WWOX: variants seen among roughly 807,000 people sequenced by gnomAD.
WWOX encodes WW domain containing oxidoreductase.
Under a neutral mutation model 46.2 loss-of-function variants are expected in WWOX, and 69 were observed. The ratio of observed to expected loss-of-function variants is 1.49; its 90% confidence interval spans 1.23 to 1.82. WWOX has a LOEUF of 1.82. WWOX is among the 40% of genes most tolerant of loss of function. The pLI is 0.00. For missense variants in WWOX, 919 were observed against 542.6 expected (o/e 1.69, Z -6.89); for synonymous variants, 359 against 202.6 (o/e 1.77, Z -6.56).
chr16:78,404,515 A>C (rs113712609), intron 6 of WWOX, among the ~76,000 whole-genome samples: 4 of 152,028 alleles, frequency 2.6e-5, no homozygotes, highest in African/African-American at 9.7e-5. Context: ...CCCTTCTTCT[A>C]TTTGTATGAA....
chr16:78,694,304 G>T (rs2048053528), intron 8 of WWOX, among the ~76,000 whole-genome samples: 1 of 152,208 alleles, frequency 6.6e-6, no homozygotes, highest in South Asian at 2.1e-4. Context: ...CCTGTGGAAA[G>T]TGTGGTTCTG....
intron 6 of WWOX, among the ~76,000 whole-genome samples, chr16:78,397,584 ATCTG>A (rs2082317003): frequency 6.6e-6 from 1 of 152,198 alleles, no homozygotes; most frequent in Admixed American, 6.5e-5. Flanking sequence ...AATCAGAAAG[ATCTG>A]TCTCATTTGG....
At chr16:78,708,028 A>G (rs767200084) in intron 8 of WWOX, among the ~76,000 whole-genome samples, 11 of 152,098 alleles carry the variant, frequency 7.2e-5, no homozygotes, top group Admixed American at 6.6e-4. Context: ...ATTGTCAGAT[A>G]GAATACAGGA....
intron 8 of WWOX, among the ~76,000 whole-genome samples, chr16:78,605,322 T>C (rs1292159833): frequency 6.6e-6 from 1 of 151,912 alleles, no homozygotes; most frequent in Non-Finnish European, 1.5e-5. Context: ...AGGCATGTCT[T>C]ATATAATCAA....
In WWOX at chr16:79,081,141, G is replaced by T. The variant is rs574834769; in HGVS notation, c.1057-130467G>T. Among the ~76,000 whole-genome samples, 6 of 152,264 alleles carry T rather than the reference G, an allele frequency of 3.9e-5. No individual in the cohort carries two copies. In the South Asian group the frequency reaches 1.2e-3, roughly 32 times the overall value. On this transcript the variant is annotated intron_variant, in intron 8 of 8. Transcript: ENST00000566780. ...GTGGAGATAAGAAAATCGAGATCCA[G>T]TGGAGTGTGGGGTGCTGAGAGAACA...
intron 8 of WWOX, among the ~76,000 whole-genome samples, chr16:78,666,810 G>C (rs2047342404): frequency 6.6e-6 from 1 of 152,164 alleles, no homozygotes; most frequent in Admixed American, 6.5e-5. Flanking sequence ...AGAAAGAAGA[G>C]ATAAAAGTTT....
intron 8 of WWOX, among the ~76,000 whole-genome samples, chr16:78,618,678 G>T (rs2046090631): frequency 6.6e-6 from 1 of 152,092 alleles, no homozygotes; most frequent in Admixed American, 6.5e-5. Context: ...ATCCATGTTT[G>T]ATCCGGGGGA....
intron 1 of WWOX, among the ~76,000 whole-genome samples, chr16:78,105,320 G>A (rs1042483813): frequency 4.6e-5 from 7 of 152,206 alleles, no homozygotes; most frequent in African/African-American, 7.2e-5. Context: ...AAATTATCCC[G>A]GCATGGTGGC....
intron 8 of WWOX, among the ~76,000 whole-genome samples, chr16:79,033,913 G>T (rs2047815697): frequency 6.6e-6 from 1 of 152,208 alleles, no homozygotes; most frequent in Admixed American, 6.5e-5. Flanking sequence ...AGGCATAGCT[G>T]GCTGGCTAGA....
intron 5 of WWOX, among the ~76,000 whole-genome samples, chr16:78,373,063 A>G (rs993604900): frequency 1.3e-5 from 2 of 152,122 alleles, no homozygotes; most frequent in Non-Finnish European, 2.9e-5. Flanking sequence ...TAATGTCCTA[A>G]CTTTCATTTC....
chr16:79,160,286 C>G (rs1313764400), intron 8 of WWOX, among the ~76,000 whole-genome samples: 1 of 152,124 alleles, frequency 6.6e-6, no homozygotes, highest in South Asian at 2.1e-4. Flanking sequence ...CAGACTATTT[C>G]GTGAGAAAGA....
Position 78,607,262 on chromosome 16 carries a change from A to G in WWOX, c.1056+174510A>G, listed in dbSNP as rs559368427. On this transcript the variant is annotated intron_variant, in intron 8 of 8. Transcript: ENST00000566780. ...TTTATATTTTCAAATACAATATTTA[A>G]TAAACTATATTAAAAATATATACAA... Among the ~76,000 whole-genome samples the G allele has an allele frequency of 2.7e-3, 416 of 152,338 alleles. 4 individuals carry two copies. The highest frequency in any genetic ancestry group is 9.7e-3 in the African/African-American group (402 of 41,582).
intron 5 of WWOX, among the ~76,000 whole-genome samples, chr16:78,253,851 G>A (rs888446212): frequency 1.3e-5 from 2 of 152,100 alleles, no homozygotes; most frequent in African/African-American, 4.8e-5. Context: ...AATGTAAGGT[G>A]GTAAGCTTAC....
intron 8 of WWOX, among the ~76,000 whole-genome samples, chr16:78,856,193 A>C (rs1040471567): frequency 7.9e-5 from 12 of 152,318 alleles, no homozygotes; most frequent in African/African-American, 2.9e-4. Context: ...AAAGGGCCAG[A>C]ACAGAATGAC....
chr16:78,313,944 G>T (rs536783889), intron 5 of WWOX, among the ~76,000 whole-genome samples: 5 of 152,086 alleles, frequency 3.3e-5, no homozygotes, highest in African/African-American at 1.2e-4. Context: ...CCTTATATCC[G>T]TGCTGACACA....
chr16:78,949,439 C>G (rs571505842), intron 8 of WWOX, among the ~76,000 whole-genome samples: 3 of 152,284 alleles, frequency 2.0e-5, no homozygotes, highest in African/African-American at 4.8e-5. Flanking sequence ...ACAACCTGGA[C>G]TTTTTCCTGT....
rs1436305737 is a variant in WWOX, at chr16:78,339,540, A to G, written c.517-47320A>G. Among the ~76,000 whole-genome samples the G allele has an allele frequency of 1.7e-5, 2 of 119,540 alleles. 1 individual carries two copies. The highest frequency in any genetic ancestry group is 4.0e-5 in the Non-Finnish European group (2 of 50,292). 78.4% of individuals were successfully genotyped at this position (119,540 alleles called of 152,430 possible). On this transcript the variant is annotated intron_variant, in intron 5 of 8. Coordinates refer to ENST00000566780, the MANE Select transcript of WWOX (RefSeq NM_016373.4). ...CCCGGAGTTGGAACTTCTCTTCCAC[A>G]TCTTTTCCTGTATTGGTTTGGTTAT...
At chr16:78,868,131 G>A (rs1407339527) in intron 8 of WWOX, among the ~76,000 whole-genome samples, 1 of 152,148 alleles carries the variant, frequency 6.6e-6, no homozygotes, top group East Asian at 1.9e-4. Context: ...ATACCCAAAT[G>A]TCCATTAGCT....
chr16:78,846,852 A>AT (rs1555549175), intron 8 of WWOX, among the ~76,000 whole-genome samples: 6 of 151,924 alleles, frequency 3.9e-5, no homozygotes, highest in Non-Finnish European at 8.8e-5. Context: ...CATGCCTTCT[A>AT]TTTTTTGGTG....
Sources: allele counts gnomAD v4.1 joint callset (sites outside exome capture counted in the v4.1 genomes callset), GRCh38; gene constraint gnomAD v4.1.1; transcripts MANE v1.5; gene names NCBI Gene and HGNC (gene_info 2026-07-23, HGNC 2026-07-21).